Variants in FAT3 observed in about 807,000 individuals in gnomAD.
FAT3 encodes the protein FAT atypical cadherin 3, also known as protocadherin Fat 3.
A neutral mutation model predicts 310.2 loss-of-function variants in FAT3; 95 were observed. The ratio of observed to expected loss-of-function variants is 0.31; its 90% CI spans 0.26 to 0.36. The LOEUF is 0.36. Ranked by LOEUF, FAT3 falls within the 10% of genes least tolerant of loss-of-function variation. The probability of loss-of-function intolerance (pLI) is 1.00; values close to 1 mark genes in which losing one functional copy is unlikely to be tolerated. For synonymous variants in FAT3, 2,314 were observed against 2,192.9 expected (o/e 1.06, Z -1.54); for missense variants, 5,408 against 5,715.6 (o/e 0.95, Z 1.74).
chr11:92,728,611 A>T (rs1945072986), intron 4 of FAT3, among the ~76,000 whole-genome samples: 1 of 152,168 alleles, frequency 6.6e-6, no homozygotes, highest in South Asian at 2.1e-4. Context: ...ACAAGAATTT[A>T]TTCTCTCAGA....
intron 1 of FAT3, among the ~76,000 whole-genome samples, chr11:92,252,917 C>G (rs1027378002): frequency 1.3e-5 from 2 of 152,106 alleles, no homozygotes; most frequent in Non-Finnish European, 2.9e-5. Flanking sequence ...TCATCAGGCC[C>G]CCATCCTCCC....
In FAT3 at chr11:92,455,197, A is replaced by G. The variant is rs79284471; in HGVS notation, c.3293-69437A>G. ...TGTTCACATAACTTTCCTCAATTCT[A>G]TGATTGTGAAGATCATATAATTTCT... On this transcript the variant is annotated intron_variant, in intron 2 of 27. Transcript: ENST00000525166. 3.5e-4 allele frequency among the ~76,000 whole-genome samples: 53 copies of G among 152,314 alleles called. 1 individual carries two copies. In the East Asian group the frequency reaches 6.6e-3, roughly 19 times the overall value.
intron 4 of FAT3, among the ~76,000 whole-genome samples, chr11:92,714,479 C>T (rs1944614649): frequency 6.6e-6 from 1 of 151,970 alleles, no homozygotes; most frequent in Non-Finnish European, 1.5e-5. Flanking sequence ...GGAAGCCATC[C>T]ACATCATATT....
chr11:92,812,581 C>CAA (rs1032046502), intron 13 of FAT3, among the ~76,000 whole-genome samples: 1 of 90,510 alleles, frequency 1.1e-5, no homozygotes, highest in Admixed American at 1.2e-4. Flanking sequence ...GACTCCATCT[C>CAA]AAAAAAAAAA....
chr11:92,505,611 A>C (rs1246196115), intron 2 of FAT3, among the ~76,000 whole-genome samples: 2 of 152,142 alleles, frequency 1.3e-5, no homozygotes, highest in Non-Finnish European at 2.9e-5. Flanking sequence ...GATTCCTACT[A>C]TTTTAATTAA....
At chr11:92,563,357 C>G (rs1490666387) in intron 3 of FAT3, among the ~76,000 whole-genome samples, 1 of 152,260 alleles carries the variant, frequency 6.6e-6, no homozygotes, top group African/African-American at 2.4e-5. Context: ...ACTTTTTGAT[C>G]ATGTACTCTT....
chr11:92,474,457 C>T (rs1951995389), intron 2 of FAT3, among the ~76,000 whole-genome samples: 1 of 152,120 alleles, frequency 6.6e-6, no homozygotes, highest in African/African-American at 2.4e-5. Context: ...CAGACTCTAC[C>T]TTAACTGGTT....
intron 3 of FAT3, among the ~76,000 whole-genome samples, chr11:92,544,319 G>T (rs781190124): frequency 9.2e-5 from 14 of 152,142 alleles, no homozygotes; most frequent in Non-Finnish European, 1.9e-4. Flanking sequence ...GGTAACTATA[G>T]TTAACAGTAA....
At position 92,355,229 on chromosome 11, in the gene FAT3, C is replaced by T; in HGVS notation, c.3117C>T (p.His1039=). 3 of 1,613,842 alleles carry T rather than the reference C, an allele frequency of 1.9e-6. No homozygotes were observed. Among genetic ancestry groups the T allele is most frequent in the Middle Eastern group, 1.7e-4 (1 of 6,058 alleles). ...VEVVDVNENL[H]TPYFPDFAVV... ...TGGTGGATGTCAATGAAAACCTCCA[C>T]ACTCCCTATTTCCCAGACTTTGCTG... The change falls in exon 2 of 28, where the codon CAC becomes CAT. Residue 1039 remains histidine (H), a synonymous_variant. Coordinates refer to ENST00000525166, the MANE Select transcript of FAT3 (RefSeq NM_001367949.2).
intron 2 of FAT3, among the ~76,000 whole-genome samples, chr11:92,368,851 C>CACACAT (rs1949095990): frequency 1.4e-5 from 2 of 145,866 alleles, no homozygotes; most frequent in African/African-American, 5.3e-5. Context: ...TATATATACA[C>CACACAT]ACATACACAT....
At chr11:92,547,524 C>G (rs983960768) in intron 3 of FAT3, among the ~76,000 whole-genome samples, 7 of 152,234 alleles carry the variant, frequency 4.6e-5, no homozygotes, top group Admixed American at 3.3e-4. Flanking sequence ...GACAGATGTT[C>G]AAACCTGAAA....
chr11:92,377,999 CT>C (rs1412560512), intron 2 of FAT3, among the ~76,000 whole-genome samples: 2 of 136,082 alleles, frequency 1.5e-5, no homozygotes, highest in Non-Finnish European at 2.9e-5. Flanking sequence ...GACACTGTGG[CT>C]CTATGAAGAA....
intron 1 of FAT3, among the ~76,000 whole-genome samples, chr11:92,236,148 TC>T (rs1441620995): frequency 6.6e-6 from 1 of 152,200 alleles, no homozygotes; most frequent in Admixed American, 6.5e-5. Flanking sequence ...TAAGTTACAG[TC>T]AACACACCTC....
chr11:92,231,415 C>T (rs1257616795), intron 1 of FAT3, among the ~76,000 whole-genome samples: 2 of 152,110 alleles, frequency 1.3e-5, no homozygotes, highest in Non-Finnish European at 2.9e-5. Context: ...TGACTTGATC[C>T]TACTTGTACT....
At chr11:92,356,702 C>A (rs1015252186) in intron 2 of FAT3, among the ~76,000 whole-genome samples, 1 of 152,266 alleles carries the variant, frequency 6.6e-6, no homozygotes. Context: ...TATAGCATCA[C>A]ATAGGGGGTT....
intron 4 of FAT3, among the ~76,000 whole-genome samples, chr11:92,759,652 C>G (rs187175252): frequency 9.2e-5 from 14 of 152,120 alleles, no homozygotes; most frequent in Non-Finnish European, 5.9e-5. Context: ...ACCCGCTATG[C>G]GTAGCACTCC....
rs575956057 is a variant in FAT3, at chr11:92,358,144, T to A, written c.3292+2740T>A. ...GTGAGTGGTGACCACACCACTGCAC[T>A]CTAGCCTGGGTGACAGAGTGACACG... On this transcript the variant is annotated intron_variant, in intron 2 of 27. Coordinates refer to ENST00000525166, the MANE Select transcript of FAT3 (RefSeq NM_001367949.2). 9.9e-5 allele frequency among the ~76,000 whole-genome samples: 15 copies of A among 152,166 alleles called. No individual in the cohort carries two copies. In the South Asian group the frequency reaches 3.1e-3, roughly 32 times the overall value.
rs551322441 is a variant in FAT3, at chr11:92,500,784, A to G, written c.3293-23850A>G. Reference sequence around the variant, plus strand: ...TTAATTTACCTCCAGGCAATACAGCAATAACTTGAGGTGCCTAGGGCTGCT... The same window carrying G: ...TTAATTTACCTCCAGGCAATACAGCGATAACTTGAGGTGCCTAGGGCTGCT... On this transcript the variant is annotated intron_variant, in intron 2 of 27. Coordinates refer to ENST00000525166, the MANE Select transcript of FAT3 (RefSeq NM_001367949.2). Among the ~76,000 whole-genome samples, 4 of 152,140 alleles carry G rather than the reference A, an allele frequency of 2.6e-5. No homozygotes were observed. The East Asian group carries it at 7.8e-4, about 30-fold the overall frequency.
intron 7 of FAT3, among the ~76,000 whole-genome samples, chr11:92,788,863 T>C (rs568825575): frequency 1.1e-3 from 162 of 152,102 alleles, no homozygotes; most frequent in African/African-American, 3.8e-3. Flanking sequence ...AATAACACCA[T>C]AAAAATTGCA....
Sources: allele counts gnomAD v4.1 joint callset (sites outside exome capture counted in the v4.1 genomes callset), GRCh38; gene constraint gnomAD v4.1.1; transcripts MANE v1.5; gene names NCBI Gene and HGNC (gene_info 2026-07-23, HGNC 2026-07-21).